The following KCNMA1 variants were observed in gnomAD, a reference collection of about 807,000 sequenced individuals.
KCNMA1 encodes Calcium-activated potassium channel subunit alpha-1.
KCNMA1 carries 29 observed loss-of-function variants against 140.0 expected under a neutral mutation model. That is an observed-to-expected ratio of 0.21 (90% CI 0.15 to 0.28). The LOEUF (loss-of-function observed/expected upper bound fraction) is 0.28, where lower values mean the gene tolerates loss of function less well. KCNMA1 is among the 10% of genes least tolerant of loss of function. KCNMA1 has a pLI of 1.00. For missense variants in KCNMA1, 880 were observed against 1,602.2 expected, an observed-to-expected ratio of 0.55 and a Z score of 7.70; for synonymous variants, 612 against 611.9, an observed-to-expected ratio of 1.00 and a Z score of 0.00.
At chr10:76,924,393 C>A (rs2116828) in intron 23 of KCNMA1, among the ~76,000 whole-genome samples, 1 of 152,050 alleles carries the variant, frequency 6.6e-6, no homozygotes, top group East Asian at 1.9e-4. Context: ...TGTCAACTTT[C>A]TTATGTCTGA....
At chr10:76,972,600 C>T (rs1032234223) in intron 19 of KCNMA1, among the ~76,000 whole-genome samples, 2 of 152,180 alleles carry the variant, frequency 1.3e-5, no homozygotes, top group Admixed American at 1.3e-4. Flanking sequence ...TATGCCTCTT[C>T]TATGCAAAGA....
At chr10:76,953,075 G>A (rs2066893352) in intron 21 of KCNMA1, among the ~76,000 whole-genome samples, 1 of 152,192 alleles carries the variant, frequency 6.6e-6, no homozygotes, top group South Asian at 2.1e-4. Context: ...GAGAGACTGG[G>A]TGAGCCCACT....
intron 9 of KCNMA1, chr10:77,091,111 T>G (rs550594271): frequency 6.6e-4 from 107 of 161,056 alleles, no homozygotes; most frequent in African/African-American, 2.5e-3. Context: ...CATGTAACAC[T>G]TTACAGTAAG....
intron 2 of KCNMA1, among the ~76,000 whole-genome samples, chr10:77,388,975 A>T (rs1392795771): frequency 6.6e-6 from 1 of 152,240 alleles, no homozygotes; most frequent in Non-Finnish European, 1.5e-5. Flanking sequence ...ACTGGTTTGC[A>T]AACTAGGCAC....
At chr10:77,348,779 TC>T (rs985866143) in intron 2 of KCNMA1, among the ~76,000 whole-genome samples, 3 of 152,168 alleles carry the variant, frequency 2.0e-5, no homozygotes, top group Admixed American at 1.3e-4. Flanking sequence ...TCCCAATGAC[TC>T]CTAGAAATTG....
At chr10:77,470,156 TG>T (rs761128531) in intron 1 of KCNMA1, among the ~76,000 whole-genome samples, 21 of 152,210 alleles carry the variant, frequency 1.4e-4, no homozygotes, top group Non-Finnish European at 2.4e-4. Context: ...TCTTCTCCAC[TG>T]GTCACCAACT....
At chr10:77,591,949 C>G (rs747894572) in intron 1 of KCNMA1, among the ~76,000 whole-genome samples, 1 of 152,096 alleles carries the variant, frequency 6.6e-6, no homozygotes, top group South Asian at 2.1e-4. Context: ...AGCTTCTCCA[C>G]GTTTCTCTCA....
At chr10:77,085,117 C>T (rs1295181895) in intron 11 of KCNMA1, among the ~76,000 whole-genome samples, 1 of 152,204 alleles carries the variant, frequency 6.6e-6, no homozygotes, top group East Asian at 1.9e-4. Context: ...TAAATCCCTT[C>T]TCTCCAGTTA....
rs1230542228 is a variant in KCNMA1, at chr10:77,637,155, G to A, written c.378+110C>T. On this transcript the variant is annotated intron_variant, in intron 1 of 27. Transcript: ENST00000286628. ...AGGGAAGGCGGCGAGGGGAAGGCAG[G>A]CGGGGATGGAGGGAGGCACGGCGCG... 5.6e-6 allele frequency: 7 copies of A among 1,251,866 alleles called. 1 individual carries two copies. The highest frequency in any genetic ancestry group is 4.5e-5 in the African/African-American group (3 of 66,214). The allele number at this position is 1,251,866 out of a possible 1,614,324, so 77.5% of individuals were successfully genotyped here. A position where few individuals can be genotyped will look rare whatever the true frequency, so the allele number is the denominator to read the frequency against.
intron 1 of KCNMA1, among the ~76,000 whole-genome samples, chr10:77,538,377 G>A (rs1473516498): frequency 6.6e-6 from 1 of 152,146 alleles, no homozygotes; most frequent in Non-Finnish European, 1.5e-5. Context: ...CTGTGGTCTC[G>A]TGGGCCAGGA....
At chr10:77,431,680 G>GT (rs2097154752) in intron 1 of KCNMA1, among the ~76,000 whole-genome samples, 2 of 70,168 alleles carry the variant, frequency 2.9e-5, no homozygotes, top group African/African-American at 1.2e-4. Context: ...CTGGTCTGTT[G>GT]TAAAAAAAAA....
At chr10:76,896,938 T>C (rs1170682612) in intron 25 of KCNMA1, among the ~76,000 whole-genome samples, 1 of 151,380 alleles carries the variant, frequency 6.6e-6, no homozygotes, top group Admixed American at 6.6e-5. Flanking sequence ...TTAAAATAAA[T>C]AGTTAAAAGA....
At chr10:77,172,518 C>T (rs2154102969) in intron 5 of KCNMA1, among the ~76,000 whole-genome samples, 1 of 152,216 alleles carries the variant, frequency 6.6e-6, no homozygotes, top group Middle Eastern at 3.4e-3. Flanking sequence ...ACCGGAACAG[C>T]AATGAGCTCC....
At chr10:77,506,815 G>C in intron 1 of KCNMA1, among the ~76,000 whole-genome samples, 1 of 126,586 alleles carries the variant, frequency 7.9e-6, no homozygotes, top group Non-Finnish European at 1.6e-5. Flanking sequence ...TGTTCCGAGA[G>C]AGAGAGAAAG....
intron 1 of KCNMA1, among the ~76,000 whole-genome samples, chr10:77,582,835 T>C (rs2076237766): frequency 6.6e-6 from 1 of 152,190 alleles, no homozygotes; most frequent in South Asian, 2.1e-4. Flanking sequence ...TAAGACTGTT[T>C]AGTAGACATG....
At chr10:77,154,499 G>C (rs1278373142) in intron 5 of KCNMA1, among the ~76,000 whole-genome samples, 2 of 152,138 alleles carry the variant, frequency 1.3e-5, no homozygotes, top group African/African-American at 2.4e-5. Flanking sequence ...GTCATATAAA[G>C]AGAAAATAGA....
intron 23 of KCNMA1, chr10:76,939,734 A>G (rs1247163874): frequency 6.6e-6 from 1 of 152,194 alleles, no homozygotes; most frequent in East Asian, 1.9e-4. Flanking sequence ...TCATTTCAAA[A>G]CAATATGAAA....
chr10:76,916,836 ATATAAAAGGGTTT>A (rs2053132653), intron 23 of KCNMA1, among the ~76,000 whole-genome samples: 1 of 152,204 alleles, frequency 6.6e-6, no homozygotes, highest in African/African-American at 2.4e-5. Context: ...TGCCAGAGAA[ATATAAAAGGGTTT>A]TCTTACTTTC....
At chr10:77,202,276 CTAAT>C (rs559204616) in intron 3 of KCNMA1, among the ~76,000 whole-genome samples, 41 of 152,276 alleles carry the variant, frequency 2.7e-4, no homozygotes, top group Admixed American at 5.2e-4. Context: ...CAAAGGAGTG[CTAAT>C]TGAGGCAAAG....
Sources: allele counts gnomAD v4.1 joint callset (sites outside exome capture counted in the v4.1 genomes callset), GRCh38; gene constraint gnomAD v4.1.1; transcripts MANE v1.5; gene names NCBI Gene and HGNC (gene_info 2026-07-23, HGNC 2026-07-21).